The following CCDC91 variants were observed in gnomAD, a reference collection of about 807,000 sequenced individuals.
The protein encoded by CCDC91 is coiled-coil domain-containing protein 91.
Under a neutral mutation model 63.2 loss-of-function variants are expected in CCDC91, and 48 were observed. That is an observed-to-expected ratio of 0.76 (90% CI 0.60 to 0.97). The LOEUF (loss-of-function observed/expected upper bound fraction) is 0.97, where lower values mean the gene tolerates loss of function less well. Among genes scored for constraint, CCDC91 ranks in the 50% least tolerant of loss-of-function variants. The probability of loss-of-function intolerance (pLI) is 0.00; values close to 1 mark genes in which losing one functional copy is unlikely to be tolerated. For missense variants in CCDC91, 500 were observed against 494.6 expected (o/e 1.01, Z -0.10); for synonymous variants, 167 against 165.8 (o/e 1.01, Z -0.06).
At chr12:28,326,631 A>T (rs1389972227) in intron 6 of CCDC91, among the ~76,000 whole-genome samples, 2 of 143,658 alleles carry the variant, frequency 1.4e-5, no homozygotes, top group Non-Finnish European at 3.0e-5. Flanking sequence ...GTTCCCACCT[A>T]TGAGTGAGAA....
intron 12 of CCDC91, among the ~76,000 whole-genome samples, chr12:28,522,323 T>G (rs1256940245): frequency 6.6e-6 from 1 of 152,302 alleles, no homozygotes; most frequent in Non-Finnish European, 1.5e-5. Context: ...GTCGAGGAAT[T>G]TATCCTTTTC....
At position 28,549,066 on chromosome 12, in the gene CCDC91, G is replaced by A. The variant is rs201558537; in HGVS notation, c.1219G>A (p.Asp407Asn). Residue 407 changes from aspartate (D) to asparagine (N), a missense_variant, in exon 13 of 13, where the codon GAT (aspartate) becomes AAT (asparagine). By Grantham distance (23) the Asp-to-Asn change is conservative. Coordinates refer to ENST00000536442, the MANE Select transcript of CCDC91 (RefSeq NM_018318.5). ...TCTCTTTAAAAAAATTAAACAGCTC[G>A]ATCAAGTCATCCGCCAAAGAAGCCT... ...IEYIKEQKRL[D>N]QVIRQRSLSS... 1.2e-5 allele frequency: 20 copies of A among 1,602,610 alleles called. No homozygotes were observed. The highest frequency in any genetic ancestry group is 3.3e-5 in the South Asian group (3 of 90,052).
At chr12:28,240,251 A>T (rs1039620029) in intron 1 of CCDC91, among the ~76,000 whole-genome samples, 1 of 152,118 alleles carries the variant, frequency 6.6e-6, no homozygotes, top group Non-Finnish European at 1.5e-5. Flanking sequence ...TACCGTTTTC[A>T]CTGTATTCTT....
chr12:28,327,481 C>A (rs991905107), intron 6 of CCDC91, among the ~76,000 whole-genome samples: 8 of 152,088 alleles, frequency 5.3e-5, no homozygotes, highest in African/African-American at 1.9e-4. Flanking sequence ...ATCTTCCTTG[C>A]ACTATGTAAA....
chr12:28,192,059 T>A (rs975492580), intron 1 of CCDC91, among the ~76,000 whole-genome samples: 1 of 152,238 alleles, frequency 6.6e-6, no homozygotes, highest in African/African-American at 2.4e-5. Context: ...TAGCTTCTTA[T>A]TGGAGTGATC....
intron 1 of CCDC91, among the ~76,000 whole-genome samples, chr12:28,238,201 A>G (rs1392674070): frequency 2.0e-5 from 3 of 152,350 alleles, no homozygotes; most frequent in East Asian, 1.9e-4. Flanking sequence ...TATCTGTTCT[A>G]TATAATAACT....
intron 6 of CCDC91, among the ~76,000 whole-genome samples, chr12:28,351,975 A>C (rs1179314640): frequency 6.6e-6 from 1 of 152,158 alleles, no homozygotes; most frequent in East Asian, 1.9e-4. Flanking sequence ...CATGCCTTGG[A>C]GATACTGCAG....
chr12:28,302,103 G>C (rs1409048526), intron 3 of CCDC91, among the ~76,000 whole-genome samples: 3 of 151,406 alleles, frequency 2.0e-5, no homozygotes, highest in Admixed American at 6.6e-5. Context: ...TTTGAGCTCG[G>C]AATTTAATTC....
At chr12:28,247,235 C>G (rs1258468605) in intron 1 of CCDC91, among the ~76,000 whole-genome samples, 1 of 152,130 alleles carries the variant, frequency 6.6e-6, no homozygotes, top group Non-Finnish European at 1.5e-5. Flanking sequence ...AATCCCAGCA[C>G]TTTGGGAGGC....
chr12:28,280,281 A>G (rs1482910267), intron 3 of CCDC91, among the ~76,000 whole-genome samples: 1 of 152,132 alleles, frequency 6.6e-6, no homozygotes, highest in Non-Finnish European at 1.5e-5. Context: ...TGTGAAGAGA[A>G]AAAATTATTT....
chr12:28,535,339 A>G (rs951810448), intron 12 of CCDC91, among the ~76,000 whole-genome samples: 3 of 152,350 alleles, frequency 2.0e-5, no homozygotes, highest in African/African-American at 7.2e-5. Flanking sequence ...TGGAATGTCT[A>G]TATGATAATA....
intron 11 of CCDC91, among the ~76,000 whole-genome samples, chr12:28,467,982 T>A (rs560190175): frequency 1.5e-4 from 23 of 151,908 alleles, no homozygotes; most frequent in Admixed American, 1.1e-3. Flanking sequence ...TATAAGTGCC[T>A]ACATCAAAAA....
intron 3 of CCDC91, among the ~76,000 whole-genome samples, chr12:28,287,377 AT>A (rs1475322544): frequency 1.3e-5 from 2 of 152,044 alleles, no homozygotes; most frequent in South Asian, 2.1e-4. Flanking sequence ...TCTTATGTTA[AT>A]TTTTGTATAT....
intron 8 of CCDC91, among the ~76,000 whole-genome samples, chr12:28,402,520 A>ATTTTTTTTT (rs57398967): frequency 2.9e-3 from 149 of 51,798 alleles, no homozygotes; most frequent in East Asian, 7.6e-3. Context: ...AGTTCCAGGA[A>ATTTTTTTTT]TTTTTTTTTT....
At chr12:28,252,629 C>A in intron 1 of CCDC91, among the ~76,000 whole-genome samples, 1 of 152,046 alleles carries the variant, frequency 6.6e-6, no homozygotes, top group Middle Eastern at 3.2e-3. Context: ...GTTCGTAATT[C>A]ATGGATGAAC....
At chr12:28,486,873 A>G (rs1023705462) in intron 12 of CCDC91, among the ~76,000 whole-genome samples, 1 of 151,970 alleles carries the variant, frequency 6.6e-6, no homozygotes, top group Non-Finnish European at 1.5e-5. Context: ...TTGTTTCCTT[A>G]TATATTAAGG....
At chr12:28,535,886 G>C (rs1440330875) in intron 12 of CCDC91, among the ~76,000 whole-genome samples, 4 of 151,818 alleles carry the variant, frequency 2.6e-5, no homozygotes, top group Non-Finnish European at 4.4e-5. Context: ...AAATTTAGCC[G>C]GACATGGTGG....
rs534013481 is a variant in CCDC91, at chr12:28,542,195, T to G, written c.1216-6868T>G. ...TTTCCCAGTGGATTATTTGGTAGTTTGGGGTAAAAAGACAGAACTATGCAA... is the reference window on the plus strand; with the variant it reads ...TTTCCCAGTGGATTATTTGGTAGTTGGGGGTAAAAAGACAGAACTATGCAA... On this transcript the variant is annotated intron_variant, in intron 12 of 12. Transcript: ENST00000536442. Among the ~76,000 whole-genome samples, 5 of 152,164 alleles carry G rather than the reference T, an allele frequency of 3.3e-5. No individual in the cohort carries two copies. The South Asian group carries it at 1.0e-3, about 32-fold the overall frequency.
rs535145182 is a variant in CCDC91 at position 28,395,566 on chromosome 12, A to G, written c.762+4155A>G. On this transcript the variant is annotated intron_variant, in intron 8 of 12. Coordinates refer to ENST00000536442, the MANE Select transcript of CCDC91 (RefSeq NM_018318.5). ...CGTTTCTTGGTTTGTCATAAAGGATACAACTCAGGAATGGACAGATGGAAG... is the reference window on the plus strand; with the variant it reads ...CGTTTCTTGGTTTGTCATAAAGGATGCAACTCAGGAATGGACAGATGGAAG... 3.0e-4 allele frequency among the ~76,000 whole-genome samples: 46 copies of G among 152,306 alleles called. 2 individuals carry two copies. In the South Asian group the frequency reaches 9.1e-3, roughly 30 times the overall value.
Sources: allele counts gnomAD v4.1 joint callset (sites outside exome capture counted in the v4.1 genomes callset), GRCh38; gene constraint gnomAD v4.1.1; transcripts MANE v1.5; gene names NCBI Gene and HGNC (gene_info 2026-07-23, HGNC 2026-07-21).